NRG1: variants seen among roughly 807,000 people sequenced by gnomAD.
NRG1 encodes the protein pro-neuregulin-1, membrane-bound isoform.
In NRG1, 18 loss-of-function variants were observed where a neutral mutation model predicts 63.8. The ratio of observed to expected loss-of-function variants is 0.28; its 90% CI spans 0.19 to 0.42. The LOEUF is 0.42. Among genes scored for constraint, NRG1 ranks in the 10% least tolerant of loss-of-function variants. The probability of loss-of-function intolerance (pLI) is 1.00; values close to 1 mark genes in which losing one functional copy is unlikely to be tolerated. For synonymous variants in NRG1, 302 were observed against 301.3 expected, an observed-to-expected ratio of 1.00 and a Z score of -0.02; for missense variants, 762 against 814.7, an observed-to-expected ratio of 0.94 and a Z score of 0.79.
chr8:31,772,730 T>C (rs1183156238), intron 1 of NRG1, among the ~76,000 whole-genome samples: 1 of 152,104 alleles, frequency 6.6e-6, no homozygotes, highest in Non-Finnish European at 1.5e-5. Context: ...ATCAGGTAGA[T>C]ATAAAAGGCT....
chr8:31,709,225 AC>A (rs1442207928), intron 1 of NRG1, among the ~76,000 whole-genome samples: 1 of 150,252 alleles, frequency 6.7e-6, no homozygotes, highest in Non-Finnish European at 1.5e-5. Context: ...TTGGTCAAAA[AC>A]CTTTTTCATC....
chr8:32,058,210 A>G (rs1303765294), intron 1 of NRG1, among the ~76,000 whole-genome samples: 3 of 152,178 alleles, frequency 2.0e-5, no homozygotes, highest in East Asian at 1.9e-4. Flanking sequence ...ATGAAATTTT[A>G]TAGGGAAAGA....
intron 1 of NRG1, among the ~76,000 whole-genome samples, chr8:32,109,383 G>A (rs181844957): frequency 6.6e-6 from 1 of 152,306 alleles, no homozygotes; most frequent in African/African-American, 2.4e-5. Flanking sequence ...AACAGATTAT[G>A]AGAACTAGAC....
intron 1 of NRG1, among the ~76,000 whole-genome samples, chr8:32,184,353 A>G (rs1451177799): frequency 6.6e-6 from 1 of 152,132 alleles, no homozygotes; most frequent in Non-Finnish European, 1.5e-5. Flanking sequence ...GTACATTTAG[A>G]CAAAAATCTC....
At chr8:31,847,440 A>C (rs941842072) in intron 1 of NRG1, among the ~76,000 whole-genome samples, 2 of 152,236 alleles carry the variant, frequency 1.3e-5, no homozygotes, top group Non-Finnish European at 2.9e-5. Flanking sequence ...AATTCAGCAG[A>C]CATAGCTTCT....
intron 7 of NRG1, among the ~76,000 whole-genome samples, chr8:32,752,498 G>T (rs117527016): frequency 0.012 from 1,796 of 152,206 alleles, 16 homozygotes; most frequent in Non-Finnish European, 0.02. Context: ...TTCTAATTGT[G>T]GCTTCCACAT....
At chr8:32,195,711 G>C (rs1300632691) in intron 1 of NRG1, among the ~76,000 whole-genome samples, 2 of 152,172 alleles carry the variant, frequency 1.3e-5, no homozygotes, top group Non-Finnish European at 2.9e-5. Flanking sequence ...AGTAGTCTCT[G>C]AGTGTTTCAC....
At chr8:31,932,701 A>G (rs1834965443) in intron 1 of NRG1, among the ~76,000 whole-genome samples, 1 of 152,204 alleles carries the variant, frequency 6.6e-6, no homozygotes, top group African/African-American at 2.4e-5. Context: ...GTGTATGCTC[A>G]GATAAAACAA....
chr8:32,343,019 G>T (rs1264782903), intron 1 of NRG1, among the ~76,000 whole-genome samples: 1 of 152,176 alleles, frequency 6.6e-6, no homozygotes, highest in African/African-American at 2.4e-5. Flanking sequence ...CCTGTTTTGA[G>T]GTTGTGGATA....
At chr8:32,616,681 G>A (rs1847425338) in intron 4 of NRG1, among the ~76,000 whole-genome samples, 154 bp from the exon 5 acceptor site, 1 of 152,050 alleles carries the variant, frequency 6.6e-6, no homozygotes, top group African/African-American at 2.4e-5. Context: ...TGGTCTTTGA[G>A]TATTGCATTC....
chr8:32,052,765 A>T (rs1449421132), intron 1 of NRG1, among the ~76,000 whole-genome samples: 2 of 152,106 alleles, frequency 1.3e-5, no homozygotes, highest in Non-Finnish European at 2.9e-5. Context: ...CAAAATCCTA[A>T]ATCACAGTCA....
intron 1 of NRG1, among the ~76,000 whole-genome samples, chr8:32,019,647 T>C (rs1351829693): frequency 1.3e-5 from 2 of 152,232 alleles, no homozygotes; most frequent in Admixed American, 6.5e-5. Context: ...CTCTTCTAGA[T>C]GGTTGGTGTT....
At chr8:32,129,465 C>T (rs990479187) in intron 1 of NRG1, among the ~76,000 whole-genome samples, 1 of 151,958 alleles carries the variant, frequency 6.6e-6, no homozygotes, top group African/African-American at 2.4e-5. Context: ...CTGCATGTCT[C>T]TCTTTGCACA....
intron 1 of NRG1, among the ~76,000 whole-genome samples, chr8:31,697,549 C>A (rs1235232713): frequency 2.0e-5 from 3 of 152,116 alleles, no homozygotes; most frequent in Non-Finnish European, 4.4e-5. Context: ...ATTTTTCTAA[C>A]TTTAGGGAAT....
chr8:31,845,166 TCTC>T (rs1826573185), intron 1 of NRG1, among the ~76,000 whole-genome samples: 1 of 151,862 alleles, frequency 6.6e-6, no homozygotes, highest in South Asian at 2.1e-4. Flanking sequence ...TTCTATGAAT[TCTC>T]CTTTTAGCCC....
intron 1 of NRG1, among the ~76,000 whole-genome samples, chr8:31,680,620 T>C (rs1156288600): frequency 6.6e-6 from 1 of 150,858 alleles, no homozygotes; most frequent in Non-Finnish European, 1.5e-5. Context: ...TGTGTCTTTA[T>C]AGCAGCATGA....
intron 1 of NRG1, among the ~76,000 whole-genome samples, chr8:31,933,471 G>A (rs556245073): frequency 4.9e-4 from 75 of 152,030 alleles, no homozygotes; most frequent in Admixed American, 1.0e-3. Context: ...TAGTAGAAAT[G>A]GGGTTTCATC....
At chr8:32,066,438 T>C (rs1006156435) in intron 1 of NRG1, among the ~76,000 whole-genome samples, 2 of 152,264 alleles carry the variant, frequency 1.3e-5, no homozygotes, top group African/African-American at 4.8e-5. Context: ...ATTTATTAAA[T>C]AGGGAATCCT....
rs186198447 is a variant in NRG1, at chr8:32,055,229, A to G, written c.37+415798A>G. Among the ~76,000 whole-genome samples the G allele has an allele frequency of 5.3e-5, 8 of 152,218 alleles. No homozygotes were observed. The South Asian group carries it at 6.2e-4, about 12-fold the overall frequency. On this transcript the variant is annotated intron_variant, in intron 1 of 10. Coordinates refer to the NRG1 transcript ENST00000519301. Reference sequence around the variant, plus strand: ...TATACTTCCTCAAACATTTGAGGATAAAGACATAATATGTGATAGTTTTAG... The same window carrying G: ...TATACTTCCTCAAACATTTGAGGATGAAGACATAATATGTGATAGTTTTAG...
Sources: gnomAD v4.1 joint callset for allele counts (sites outside exome capture counted in the v4.1 genomes callset) on GRCh38, gnomAD v4.1.1 for gene constraint, MANE v1.5 for transcripts, NCBI Gene and HGNC (gene_info 2026-07-23, HGNC 2026-07-21) for gene names.